SPOCK3: variants seen among roughly 807,000 people sequenced by gnomAD.
SPOCK3 encodes testican-3.
SPOCK3 carries 30 observed loss-of-function variants against 56.6 expected under a neutral mutation model. The observed-to-expected ratio is 0.53, with a 90% CI of 0.40 to 0.72. SPOCK3 has a LOEUF of 0.72. Among genes scored for constraint, SPOCK3 ranks in the 30% least tolerant of loss-of-function variants. SPOCK3 has a pLI of 0.00. For synonymous variants in SPOCK3, 196 were observed against 183.3 expected (o/e 1.07, Z -0.56); for missense variants, 527 against 530.0 (o/e 0.99, Z 0.06).
intron 7 of SPOCK3, among the ~76,000 whole-genome samples, chr4:166,768,911 T>C (rs1466680685): frequency 6.6e-6 from 1 of 152,188 alleles, no homozygotes; most frequent in Non-Finnish European, 1.5e-5. Context: ...TCTCCAAGCT[T>C]CTCTTCTCAC....
At chr4:167,099,839 ATTAC>A (rs1341450173) in intron 2 of SPOCK3, among the ~76,000 whole-genome samples, 3 of 152,086 alleles carry the variant, frequency 2.0e-5, no homozygotes, top group Non-Finnish European at 4.4e-5. Flanking sequence ...TGATTAACCT[ATTAC>A]TTCACAGAAA....
intron 6 of SPOCK3, among the ~76,000 whole-genome samples, chr4:166,795,109 T>G (rs1179500026): frequency 6.6e-6 from 1 of 152,152 alleles, no homozygotes; most frequent in East Asian, 1.9e-4. Context: ...CAATGAACAT[T>G]TATTGATCAT....
In SPOCK3 at chr4:167,164,867, C is replaced by A. The variant is rs571768339; in HGVS notation, c.189+69118G>T. On this transcript the variant is annotated intron_variant, in intron 2 of 10. Transcript: ENST00000357545. ...ATGGGCATTTGAATTGGTTTCAAAT[C>A]TTTTCTGGTGTAAATAATGCTGCAA... Among the ~76,000 whole-genome samples, 8 of 152,140 alleles carry A rather than the reference C, an allele frequency of 5.3e-5. No individual in the cohort carries two copies. In the East Asian group the frequency reaches 1.5e-3, roughly 29 times the overall value.
At chr4:166,787,206 T>A (rs1338625470) in intron 7 of SPOCK3, among the ~76,000 whole-genome samples, 2 of 152,188 alleles carry the variant, frequency 1.3e-5, no homozygotes, top group African/African-American at 4.8e-5. Context: ...CGTTAATAAT[T>A]TAAATGTAAT....
Position 167,211,415 on chromosome 4 carries a change from C to T in SPOCK3, c.189+22570G>A, listed in dbSNP as rs752230571. ...AGGGAAGGCACGATTGGTTTTGAAACGTAAGGACAAGAGATTTGGAAGGGG... is the reference window on the plus strand; with the variant it reads ...AGGGAAGGCACGATTGGTTTTGAAATGTAAGGACAAGAGATTTGGAAGGGG... On this transcript the variant is annotated intron_variant, in intron 2 of 10. Coordinates refer to ENST00000357545, the MANE Select transcript of SPOCK3 (RefSeq NM_001040159.2). Among the ~76,000 whole-genome samples, 11 of 152,018 alleles carry T rather than the reference C, an allele frequency of 7.2e-5. No homozygotes were observed. The South Asian group carries it at 8.3e-4, about 11-fold the overall frequency.
chr4:166,819,191 T>C (rs1264591988), intron 6 of SPOCK3, among the ~76,000 whole-genome samples: 1 of 152,034 alleles, frequency 6.6e-6, no homozygotes, highest in East Asian at 1.9e-4. Flanking sequence ...AGAAAAATGC[T>C]CAAAAAACTA....
intron 5 of SPOCK3, 120 bp from the exon 6 acceptor site, chr4:166,889,364 G>A: frequency 1.6e-6 from 1 of 628,772 alleles, no homozygotes; most frequent in Non-Finnish European, 2.8e-6. Flanking sequence ...TTTCCACCAG[G>A]TAATACGTCT....
chr4:166,877,766 C>A (rs900855867), intron 6 of SPOCK3, among the ~76,000 whole-genome samples: 1 of 152,042 alleles, frequency 6.6e-6, no homozygotes, highest in Non-Finnish European at 1.5e-5. Context: ...GTAACAACTT[C>A]ATTACAAGTG....
intron 6 of SPOCK3, among the ~76,000 whole-genome samples, chr4:166,844,487 TAA>T (rs1171065515): frequency 6.6e-6 from 1 of 152,124 alleles, no homozygotes; most frequent in African/African-American, 2.4e-5. Context: ...AAACTCTGAG[TAA>T]AGAAATTACC....
intron 6 of SPOCK3, among the ~76,000 whole-genome samples, chr4:166,881,035 AAAT>A (rs774523325): frequency 6.6e-6 from 1 of 152,128 alleles, no homozygotes; most frequent in African/African-American, 2.4e-5. Flanking sequence ...TATGATTTCT[AAAT>A]AATCTAATAC....
chr4:167,014,180 C>A (rs1181951150), intron 3 of SPOCK3, among the ~76,000 whole-genome samples: 1 of 152,080 alleles, frequency 6.6e-6, no homozygotes, highest in Admixed American at 6.6e-5. Context: ...CCTTTCTCAG[C>A]CCTCTAGTAG....
intron 6 of SPOCK3, among the ~76,000 whole-genome samples, chr4:166,887,030 A>G (rs1444317934): frequency 1.3e-5 from 2 of 152,176 alleles, no homozygotes; most frequent in Non-Finnish European, 2.9e-5. Context: ...TTGAACACAA[A>G]TGATCTTTAT....
chr4:166,901,901 T>C (rs966655459), intron 5 of SPOCK3, among the ~76,000 whole-genome samples: 1 of 152,060 alleles, frequency 6.6e-6, no homozygotes, highest in Non-Finnish European at 1.5e-5. Flanking sequence ...TGAGATAAAT[T>C]GAACAGATTT....
intron 3 of SPOCK3, among the ~76,000 whole-genome samples, chr4:167,031,428 A>T (rs925848544): frequency 5.9e-5 from 9 of 152,042 alleles, no homozygotes; most frequent in Admixed American, 3.3e-4. Flanking sequence ...TAACAACAAC[A>T]TAAGGTGTTA....
At chr4:166,777,974 G>C (rs754796932) in intron 7 of SPOCK3, among the ~76,000 whole-genome samples, 2 of 152,034 alleles carry the variant, frequency 1.3e-5, no homozygotes, top group Non-Finnish European at 2.9e-5. Flanking sequence ...CAAATTCCAG[G>C]TCCAGACCAC....
At chr4:166,984,288 T>C (rs1160535395) in intron 4 of SPOCK3, among the ~76,000 whole-genome samples, 1 of 152,080 alleles carries the variant, frequency 6.6e-6, no homozygotes, top group Non-Finnish European at 1.5e-5. Flanking sequence ...CTTTCCAGAA[T>C]CTAGTGAGAA....
At chr4:167,168,304 C>T (rs976470642) in intron 2 of SPOCK3, among the ~76,000 whole-genome samples, 1 of 152,082 alleles carries the variant, frequency 6.6e-6, no homozygotes, top group Non-Finnish European at 1.5e-5. Context: ...GTTTGGAGGG[C>T]TCACAAGAAG....
chr4:166,869,885 C>T (rs1250650936), intron 6 of SPOCK3, among the ~76,000 whole-genome samples: 1 of 151,966 alleles, frequency 6.6e-6, no homozygotes, highest in African/African-American at 2.4e-5. Flanking sequence ...CAAGTAGAAA[C>T]ACTTAAACAG....
intron 7 of SPOCK3, among the ~76,000 whole-genome samples, chr4:166,763,690 T>G (rs548960371): frequency 6.9e-6 from 1 of 145,338 alleles, no homozygotes; most frequent in Non-Finnish European, 1.5e-5. Flanking sequence ...GTAAGTTTCT[T>G]ACAGCATATG....
Sources: allele counts gnomAD v4.1 joint callset (sites outside exome capture counted in the v4.1 genomes callset), GRCh38; gene constraint gnomAD v4.1.1; transcripts MANE v1.5; gene names NCBI Gene and HGNC (gene_info 2026-07-23, HGNC 2026-07-21).